RNF213: variants seen among roughly 807,000 people sequenced by gnomAD.
RNF213 encodes E3 ubiquitin-protein ligase RNF213.
Under a neutral mutation model 514.4 loss-of-function variants are expected in RNF213, and 341 were observed. The observed-to-expected ratio is 0.66, with a 90% CI of 0.61 to 0.73. RNF213 has a LOEUF of 0.73. RNF213 is among the 30% of genes least tolerant of loss of function. RNF213 has a pLI of 0.00. For missense variants in RNF213, 5,767 were observed against 6,615.6 expected, an observed-to-expected ratio of 0.87 and a Z score of 4.45; for synonymous variants, 2,655 against 2,658.2, an observed-to-expected ratio of 1.00 and a Z score of 0.04.
chr17:80,321,757 C>T (rs891393448), intron 17 of RNF213, among the ~76,000 whole-genome samples: 8 of 151,988 alleles, frequency 5.3e-5, no homozygotes, highest in African/African-American at 1.9e-4. Context: ...GGAGTCTTGC[C>T]CTGTCACCCA....
At position 80,291,625 on chromosome 17, in the gene RNF213, C is replaced by T; in HGVS notation, c.1272-3C>T. ...TAGCCAACCGTATCCTGTTCATTCACAGAGACTTGGGTCATGACCGCGTTC... is the reference window on the plus strand; with the variant it reads ...TAGCCAACCGTATCCTGTTCATTCATAGAGACTTGGGTCATGACCGCGTTC... On this transcript the variant is annotated splice_region_variant and splice_polypyrimidine_tract_variant and intron_variant, in intron 7 of 67. Transcript: ENST00000582970. 5.6e-6 allele frequency: 9 copies of T among 1,614,190 alleles called. No individual in the cohort carries two copies. The highest frequency in any genetic ancestry group is 7.6e-6 in the Non-Finnish European group (9 of 1,180,022).
chr17:80,338,641 T>TC (rs2078057010), intron 25 of RNF213, among the ~76,000 whole-genome samples: 1 of 72,788 alleles, frequency 1.4e-5, no homozygotes, highest in African/African-American at 7.3e-5. Flanking sequence ...TTTTTTTTTT[T>TC]CCCAATTAAA....
At chr17:80,274,463 G>T (rs1474597174) in intron 3 of RNF213, among the ~76,000 whole-genome samples, 1 of 147,546 alleles carries the variant, frequency 6.8e-6, no homozygotes, top group Non-Finnish European at 1.5e-5. Context: ...TGCTGGGCAC[G>T]GAGAAGGGGA....
intron 21 of RNF213, 34 bp downstream of exon 21, chr17:80,332,665 A>AG (rs1201817024): frequency 4.1e-6 from 6 of 1,456,320 alleles, no homozygotes; most frequent in Non-Finnish European, 5.4e-6. Flanking sequence ...GGGGGTTTGG[A>AG]GGGGCGTCCT....
chr17:80,388,551 A>C (rs2080332514), intron 63 of RNF213, 61 bp from the exon 64 acceptor site: 1 of 1,130,496 alleles, frequency 8.8e-7, no homozygotes, highest in Non-Finnish European at 1.3e-6. Context: ...TCTGTTTGTC[A>C]TCTGCTGGAA....
Position 80,337,658 on chromosome 17 carries a change from C to G in RNF213, c.4600C>G (p.Leu1534Val). The G allele has an allele frequency of 2.0e-6, 3 of 1,537,294 alleles. No individual in the cohort carries two copies. Among genetic ancestry groups the G allele is most frequent in the Non-Finnish European group, 8.7e-7 (1 of 1,146,934 alleles). Reference protein sequence around the residue: ...ESHGSVERSSLTLATAINQRG... With the variant: ...ESHGSVERSSVTLATAINQRG... ...TCATGGGTCTGTGGAACGCTCATCC[C>G]TGACCCTGGCCACGGCCATCAACCA... Residue 1534 changes from leucine (L) to valine (V), a missense_variant, in exon 24 of 68, where the codon CTG becomes GTG. Leu to Val is a conservative substitution (Grantham distance 32). Around this residue, in one of 13 missense-constraint regions of RNF213, gnomAD observed 1,377 missense variants for 1,635.2 expected, o/e 0.84. Transcript: ENST00000582970.
In RNF213 at chr17:80,311,629, G is replaced by A. The variant is rs190589678; in HGVS notation, c.2656-1383G>A. ...ATCTTCCCGCCCTGGCCCTTCCCAG[G>A]TATAGTGACGCTGTGTTCCCCTGCC... On this transcript the variant is annotated intron_variant, in intron 14 of 67. Coordinates refer to ENST00000582970, the MANE Select transcript of RNF213 (RefSeq NM_001256071.3). Among the ~76,000 whole-genome samples the A allele has an allele frequency of 9.2e-5, 14 of 152,298 alleles. No homozygotes were observed. In the South Asian group the frequency reaches 1.9e-3, roughly 20 times the overall value.
chr17:80,371,781 C>A, intron 46 of RNF213, 93 bp from the exon 47 acceptor site: 2 of 725,050 alleles, frequency 2.8e-6, no homozygotes, highest in Non-Finnish European at 5.0e-6. Flanking sequence ...CACACACACA[C>A]AGGACAGACG....
At chr17:80,302,289 A>G (rs2045207149) in intron 11 of RNF213, among the ~76,000 whole-genome samples, 1 of 152,226 alleles carries the variant, frequency 6.6e-6, no homozygotes, top group African/African-American at 2.4e-5. Flanking sequence ...GAATGTTTCC[A>G]ACACAAAGAA....
chr17:80,389,150 C>T lies in RNF213; in HGVS notation c.15001-23C>T, dbSNP rs770089243. 3.7e-6 allele frequency: 6 copies of T among 1,611,640 alleles called. No homozygotes were observed. The East Asian group carries it at 1.1e-4, about 30-fold the overall frequency. On this transcript the variant is annotated intron_variant, in intron 64 of 67. Coordinates refer to ENST00000582970, the MANE Select transcript of RNF213 (RefSeq NM_001256071.3). ...CCAGAAACCCAGCCCACAGACATCC[C>T]TCTCCTGCTTTTCATTTCCCAGGAC... is the stretch of plus-strand genomic sequence containing the variant.
intron 14 of RNF213, 55 bp from the exon 15 acceptor site, chr17:80,312,957 G>C: frequency 1.2e-6 from 2 of 1,607,858 alleles, no homozygotes; most frequent in Non-Finnish European, 1.7e-6. Context: ...GCATCTCGCC[G>C]GGAACCTGAG....
chr17:80,287,866 T>C lies in RNF213; in HGVS notation c.313T>C (p.Ser105Pro). 1 of 1,601,050 alleles carries C rather than the reference T, an allele frequency of 6.2e-7. No homozygotes were observed. The change falls in exon 4 of 68, where the codon TCA becomes CCA. Residue 105 changes from serine to proline, a missense_variant. Ser to Pro is a moderately conservative substitution (Grantham distance 74, BLOSUM62 -1). Transcript: ENST00000582970. ...KKKKGNKSAS[S>P]ELASLPLSPA... ...AAAGAAGGGGAACAAGTCCGCTTCC[T>C]CAGAGCTGGCTTCCTTGCCCCTTTC...
intron 42 of RNF213, 46 bp downstream of exon 42, chr17:80,364,599 T>G: frequency 6.2e-7 from 1 of 1,613,276 alleles, no homozygotes; most frequent in South Asian, 1.1e-5. Flanking sequence ...TCCACCCTTT[T>G]CCGAAAGGAA....
chr17:80,288,083 A>C lies in RNF213; in HGVS notation c.530A>C (p.Gln177Pro). The C allele has an allele frequency of 2.5e-6, 4 of 1,608,418 alleles. No individual in the cohort carries two copies. Among genetic ancestry groups the C allele is most frequent in the Non-Finnish European group, 3.4e-6 (4 of 1,176,532 alleles). The change falls in exon 4 of 68, where the codon CAG becomes CCG. Residue 177 changes from glutamine (Q) to proline (P), a missense_variant. By Grantham distance (76) the Gln-to-Pro change is moderately conservative (BLOSUM62 -1). Around this residue, in one of 13 missense-constraint regions of RNF213, gnomAD observed 509 missense variants for 496.7 expected, o/e 1.02. Transcript: ENST00000582970. This position sits in a 1 kb window ranked among gnomAD's most constrained non-coding sequence, Gnocchi z 4.9. ...TEVGDSPLQA[Q>P]ALGEAGVATG... ...GTTGGCGACAGCCCCCTGCAGGCCC[A>C]GGCTTTGGGAGAGGCAGGAGTGGCC...
intron 3 of RNF213, among the ~76,000 whole-genome samples, chr17:80,276,379 C>T (rs897383709): frequency 2.0e-5 from 3 of 152,094 alleles, no homozygotes; most frequent in South Asian, 2.1e-4. Flanking sequence ...GGATTACGGG[C>T]GTGAGCCACC....
intron 22 of RNF213, 192 bp downstream of exon 22, chr17:80,334,462 T>C: frequency 5.6e-6 from 3 of 531,676 alleles, no homozygotes; most frequent in East Asian, 6.3e-5. Context: ...GTATTTCCCA[T>C]GTGCTGCTGT....
rs570068306 is a variant in RNF213, at chr17:80,378,651, C to T, written c.13545+855C>T. The stretch of plus-strand genomic sequence containing the variant: ...CATTTAATAATGTATATAAGAGATA[C>T]GGAGGGAGAAAAACTGTTACATACA... On this transcript the variant is annotated intron_variant, in intron 54 of 67. Coordinates refer to ENST00000582970, the MANE Select transcript of RNF213 (RefSeq NM_001256071.3). 1.9e-4 allele frequency among the ~76,000 whole-genome samples: 29 copies of T among 152,108 alleles called. 1 individual carries two copies. In the South Asian group the frequency reaches 5.4e-3, roughly 28 times the overall value.
chr17:80,386,356 T>C lies in RNF213; in HGVS notation c.14646T>C (p.Ala4882=), dbSNP rs779259173. The C allele has an allele frequency of 2.9e-5, 47 of 1,614,138 alleles. No individual in the cohort carries two copies. The African/African-American group carries it at 5.6e-4, about 19-fold the overall frequency. ...GGGGCCTGGGCCTCTGTGCTACCGC[T>C]CTCGTCAGCTACTTGATTCGCCTAC... is the stretch of plus-strand genomic sequence containing the variant. ...RRRGLGLCAT[A]LVSYLIRLHN... is the part of the protein sequence containing the mutation. The change falls in exon 62 of 68, where the codon GCT becomes GCC. Residue 4882 remains alanine (A), a synonymous_variant. Transcript: ENST00000582970.
chr17:80,365,098 C>G (rs2079207656), intron 42 of RNF213: 1 of 176,314 alleles, frequency 5.7e-6, no homozygotes, highest in Admixed American at 5.4e-5. Flanking sequence ...TGATGCCCCT[C>G]TGTGGCCACG....
Sources: gnomAD v4.1 joint callset for allele counts (sites outside exome capture counted in the v4.1 genomes callset) on GRCh38, gnomAD v4.1.1 for gene constraint, gnomAD v4.1.1 regional missense constraint, Gnocchi (gnomAD v3.1) non-coding constraint, MANE v1.5 for transcripts, NCBI Gene and HGNC (gene_info 2026-07-23, HGNC 2026-07-21) for gene names.